BBS9: variants seen among roughly 807,000 people sequenced by gnomAD.
The protein encoded by BBS9 is protein PTHB1.
In BBS9, 89 loss-of-function variants were observed where a neutral mutation model predicts 117.7. That is an observed-to-expected ratio of 0.76 (90% CI 0.64 to 0.90). The LOEUF (loss-of-function observed/expected upper bound fraction) is 0.90, where lower values mean the gene tolerates loss of function less well. BBS9 is among the 40% of genes least tolerant of loss of function. The pLI, the probability that BBS9 is intolerant of heterozygous loss-of-function variation, is 0.00. For synonymous variants in BBS9, 379 were observed against 370.9 expected, an observed-to-expected ratio of 1.02 and a Z score of -0.25; for missense variants, 982 against 1,042.2, an observed-to-expected ratio of 0.94 and a Z score of 0.80.
intron 21 of BBS9, among the ~76,000 whole-genome samples, chr7:33,561,405 G>A (rs1361649866): frequency 1.3e-5 from 2 of 152,162 alleles, no homozygotes; most frequent in Admixed American, 6.5e-5. Flanking sequence ...ATAGCTCAAA[G>A]GATGGAGGAA....
chr7:33,495,441 C>T (rs915309876), intron 19 of BBS9, among the ~76,000 whole-genome samples: 5 of 152,196 alleles, frequency 3.3e-5, no homozygotes, highest in African/African-American at 1.2e-4. Flanking sequence ...ACATTCTAAA[C>T]TTAGAAACTA....
chr7:33,168,630 C>T (rs1413869872), intron 4 of BBS9, among the ~76,000 whole-genome samples: 1 of 152,114 alleles, frequency 6.6e-6, no homozygotes, highest in Non-Finnish European at 1.5e-5. Flanking sequence ...CTCTTAACCA[C>T]ACAAGATTTC....
chr7:33,231,553 T>TTGGTTCCATATAAACTTTTA (rs1792448389), intron 5 of BBS9, among the ~76,000 whole-genome samples: 4 of 151,882 alleles, frequency 2.6e-5, no homozygotes, highest in Admixed American at 1.3e-4. Flanking sequence ...TTTTAGCTAT[T>TTGGTTCCATATAAACTTTTA]TGGTTCCATA....
chr7:33,316,778 C>T (rs1389009229), intron 9 of BBS9, among the ~76,000 whole-genome samples: 2 of 152,042 alleles, frequency 1.3e-5, no homozygotes, highest in Non-Finnish European at 2.9e-5. Context: ...GACGCAAGTC[C>T]TTTGATGAAA....
intron 19 of BBS9, among the ~76,000 whole-genome samples, chr7:33,393,418 C>T (rs1036556407): frequency 6.6e-6 from 1 of 152,232 alleles, no homozygotes; most frequent in South Asian, 2.1e-4. Flanking sequence ...GTTTAATGCT[C>T]TATAGTAGCC....
chr7:33,142,786 T>G (rs1791704780), intron 1 of BBS9, among the ~76,000 whole-genome samples: 1 of 152,214 alleles, frequency 6.6e-6, no homozygotes. Context: ...AATATTCCAT[T>G]GTATGGGTAT....
At chr7:33,492,543 C>T (rs1386038781) in intron 19 of BBS9, among the ~76,000 whole-genome samples, 2 of 152,098 alleles carry the variant, frequency 1.3e-5, no homozygotes, top group African/African-American at 4.8e-5. Context: ...GAAGTGGTTA[C>T]AAACTCAAAT....
chr7:33,158,524 A>C (rs1794394098), intron 4 of BBS9, among the ~76,000 whole-genome samples: 1 of 152,208 alleles, frequency 6.6e-6, no homozygotes, highest in Non-Finnish European at 1.5e-5. Context: ...TATCTAAGGA[A>C]AATTGTCTTT....
intron 11 of BBS9, among the ~76,000 whole-genome samples, chr7:33,343,185 A>G (rs1020995382): frequency 1.3e-5 from 2 of 152,134 alleles, no homozygotes; most frequent in African/African-American, 4.8e-5. Context: ...AAAAAACGCA[A>G]TGGATCATAT....
At chr7:33,566,776 A>T (rs1364528831) in intron 21 of BBS9, among the ~76,000 whole-genome samples, 1 of 152,208 alleles carries the variant, frequency 6.6e-6, no homozygotes, top group African/African-American at 2.4e-5. Context: ...AAACTTTCAA[A>T]TCACAGATGC....
At chr7:33,144,773 T>C (rs907967688) in intron 1 of BBS9, among the ~76,000 whole-genome samples, 2 of 152,234 alleles carry the variant, frequency 1.3e-5, no homozygotes, top group East Asian at 1.9e-4. Context: ...TTTTCAACTT[T>C]AGGATGTTGT....
intron 1 of BBS9, among the ~76,000 whole-genome samples, chr7:33,140,183 C>T (rs554136820): frequency 2.9e-4 from 44 of 152,196 alleles, no homozygotes; most frequent in African/African-American, 1.0e-3. Context: ...CGCCACCACA[C>T]CCGGCTAATT....
At chr7:33,608,879 ATTT>A, downstream of BBS9, among the ~76,000 whole-genome samples, 1 of 124,890 alleles carries the variant, frequency 8.0e-6, no homozygotes, top group African/African-American at 4.5e-5. Context: ...CTACTTATCA[ATTT>A]TTGTTTTTGT....
At chr7:33,181,014 C>G (rs1798024752) in intron 5 of BBS9, among the ~76,000 whole-genome samples, 1 of 152,212 alleles carries the variant, frequency 6.6e-6, no homozygotes, top group Non-Finnish European at 1.5e-5. Context: ...TGATCACAAG[C>G]ACTCCTACTT....
intron 21 of BBS9, among the ~76,000 whole-genome samples, chr7:33,561,038 C>G (rs1199283724): frequency 6.6e-6 from 1 of 152,152 alleles, no homozygotes; most frequent in Non-Finnish European, 1.5e-5. Flanking sequence ...TTCTTGGAGA[C>G]CCTTCCTTTT....
chr7:33,163,390 G>T lies in BBS9; in HGVS notation c.328+7688G>T, dbSNP rs963958049. On this transcript the variant is annotated intron_variant, in intron 4 of 22. Transcript: ENST00000242067. The stretch of plus-strand genomic sequence containing the variant: ...CCCTCTTTTTCTATTGATTGGAATA[G>T]TTTCAGAAGGTATGGTACCACCTCC... Among the ~76,000 whole-genome samples the T allele has an allele frequency of 2.0e-5, 3 of 152,264 alleles. No homozygotes were observed. In the South Asian group the frequency reaches 6.2e-4, roughly 32 times the overall value.
intron 12 of BBS9, among the ~76,000 whole-genome samples, chr7:33,347,300 A>G (rs1362245635): frequency 6.6e-6 from 1 of 152,066 alleles, no homozygotes; most frequent in African/African-American, 2.4e-5. Flanking sequence ...ACAGACTAGT[A>G]TTATATTATT....
intron 21 of BBS9, among the ~76,000 whole-genome samples, chr7:33,568,621 A>G (rs1353536123): frequency 6.6e-6 from 1 of 152,100 alleles, no homozygotes; most frequent in African/African-American, 2.4e-5. Context: ...TACTGTTTCC[A>G]TAGTGGTTTT....
intron 21 of BBS9, among the ~76,000 whole-genome samples, chr7:33,597,499 G>A (rs1420514471): frequency 1.3e-5 from 2 of 152,110 alleles, no homozygotes; most frequent in Non-Finnish European, 2.9e-5. Context: ...GAAGGAGTGG[G>A]ACACTCTCAT....
Sources: allele counts gnomAD v4.1 joint callset (sites outside exome capture counted in the v4.1 genomes callset), GRCh38; gene constraint gnomAD v4.1.1; transcripts MANE v1.5; gene names NCBI Gene and HGNC (gene_info 2026-07-23, HGNC 2026-07-21).